The following MPC2 variants were observed in gnomAD, a reference collection of about 807,000 sequenced individuals.
MPC2 encodes the protein mitochondrial pyruvate carrier 2, also known as brain protein 44.
In MPC2, 19 loss-of-function variants were observed where a neutral mutation model predicts 19.2. That is an observed-to-expected ratio of 0.99 (90% CI 0.69 to 1.45). The LOEUF is 1.45. MPC2 is among the 40% of genes most tolerant of loss of function. MPC2 has a pLI of 0.00. For missense variants in MPC2, 122 were observed against 153.0 expected (o/e 0.80, Z 1.07); for synonymous variants, 61 against 54.3 (o/e 1.12, Z -0.54).
intron 2 of MPC2, 22 bp downstream of exon 2, chr1:167,935,711 G>C (rs12744853): frequency 1.3e-6 from 2 of 1,539,830 alleles, no homozygotes; most frequent in Non-Finnish European, 1.8e-6. Context: ...GTCTCGATAA[G>C]GAGCCATTCA....
At chr1:167,928,303 G>A (rs1015898312) in intron 2 of MPC2, among the ~76,000 whole-genome samples, 1 of 146,374 alleles carries the variant, frequency 6.8e-6, no homozygotes, top group East Asian at 2.0e-4. Context: ...AGCCGAGATC[G>A]CACCACTGCA....
At chr1:167,935,669 A>C in intron 2 of MPC2, 64 bp downstream of exon 2, 1 of 1,416,326 alleles carries the variant, frequency 7.1e-7, no homozygotes, top group Non-Finnish European at 9.8e-7. Context: ...AGGGCCTCTA[A>C]AAGGTCCATT....
At chr1:167,929,548 CAT>C (rs1207573930) in intron 2 of MPC2, among the ~76,000 whole-genome samples, 3 of 152,108 alleles carry the variant, frequency 2.0e-5, no homozygotes, top group African/African-American at 7.2e-5. Context: ...TAATAACAGA[CAT>C]AAATTTTCAA....
At chr1:167,928,166 G>A (rs1571514688) in intron 2 of MPC2, among the ~76,000 whole-genome samples, 1 of 152,104 alleles carries the variant, frequency 6.6e-6, no homozygotes, top group African/African-American at 2.4e-5. Context: ...GGCTAACACG[G>A]TGAAACCCTG....
In MPC2 at chr1:167,920,544, T is replaced by C; in HGVS notation, c.235+3A>G. The C allele has an allele frequency of 6.2e-7, 1 of 1,612,632 alleles. No homozygotes were observed. The highest frequency in any genetic ancestry group is 8.5e-7 in the Non-Finnish European group (1 of 1,179,414). ...AAACACAGAAGATATTTATTTAATT[T>C]ACCTGTAGCCATCAAAACAGCAGAT... On this transcript the variant is annotated splice_donor_region_variant and intron_variant, in intron 4 of 5. Coordinates refer to ENST00000271373, the MANE Select transcript of MPC2 (RefSeq NM_001143674.4).
At chr1:167,928,881 T>C (rs1670826716) in intron 2 of MPC2, among the ~76,000 whole-genome samples, 1 of 152,006 alleles carries the variant, frequency 6.6e-6, no homozygotes, top group African/African-American at 2.4e-5. Flanking sequence ...TGAAGAAAAA[T>C]CTCCTCATAA....
intron 2 of MPC2, among the ~76,000 whole-genome samples, chr1:167,931,246 T>C (rs1240342307): frequency 7.9e-5 from 12 of 152,314 alleles, no homozygotes; most frequent in Non-Finnish European, 1.3e-4. Flanking sequence ...TTCCTTTTTA[T>C]GAATTCTTCT....
chr1:167,926,811 G>A (rs769643550), intron 2 of MPC2, among the ~76,000 whole-genome samples: 9 of 152,142 alleles, frequency 5.9e-5, no homozygotes, highest in Non-Finnish European at 7.4e-5. Context: ...AGTTCATGCT[G>A]TCCCTTCTCA....
chr1:167,921,761 C>T (rs575882300), intron 3 of MPC2, among the ~76,000 whole-genome samples: 7 of 152,046 alleles, frequency 4.6e-5, no homozygotes, highest in African/African-American at 1.4e-4. Context: ...ATATAGGATG[C>T]ACTGTAGTGT....
intron 2 of MPC2, among the ~76,000 whole-genome samples, chr1:167,933,050 C>G (rs377068831): frequency 1.3e-5 from 2 of 151,868 alleles, no homozygotes; most frequent in African/African-American, 4.8e-5. Context: ...AGTGGCAGAT[C>G]ATGACATGCC....
Position 167,918,357 on chromosome 1 carries a change from T to C in MPC2, c.350A>G (p.Tyr117Cys), listed in dbSNP as rs778548749. Residue 117 changes from tyrosine (Y) to cysteine (C), a missense_variant and splice_region_variant, in exon 6 of 6, where the codon TAT becomes TGT. By Grantham distance (194) the Tyr-to-Cys change is radical (BLOSUM62 -2). Transcript: ENST00000271373. ...GASQLFRIWR[Y>C]NQELKAKAHK ...TGCTTTAGCTTTTAGTTCTTGGTTATATCTATAAAGAAAACAGAAAGAAAA... is the reference window on the plus strand; with the variant it reads ...TGCTTTAGCTTTTAGTTCTTGGTTACATCTATAAAGAAAACAGAAAGAAAA... The C allele has an allele frequency of 2.6e-6, 4 of 1,534,890 alleles. No individual in the cohort carries two copies. Among genetic ancestry groups the C allele is most frequent in the East Asian group, 2.3e-5 (1 of 44,380 alleles).
intron 2 of MPC2, among the ~76,000 whole-genome samples, chr1:167,931,221 C>T (rs749475358): frequency 3.0e-4 from 45 of 152,306 alleles, no homozygotes; most frequent in African/African-American, 8.4e-4. Context: ...TGTGAGCTAC[C>T]GCGCCCAGCT....
rs1557854257 is a variant in MPC2 at position 167,925,535 on chromosome 1, TTTTTTTTTTGG to T, written c.110-1009_110-999del. Reference sequence around the variant, plus strand: ...TACAAACAACGTTTTTTTTTTTTGGTTTTTTTTTTGGTTTTTTTTGTTTTTTTTTGAGACAG... The same window carrying T: ...TACAAACAACGTTTTTTTTTTTTGGTTTTTTTTTGTTTTTTTTTGAGACAG... On this transcript the variant is annotated intron_variant, in intron 2 of 5. Coordinates refer to ENST00000271373, the MANE Select transcript of MPC2 (RefSeq NM_001143674.4). 9.6e-4 allele frequency among the ~76,000 whole-genome samples: 122 copies of T among 127,490 alleles called. 1 individual carries two copies. In the South Asian group the frequency reaches 0.025, roughly 27 times the overall value. 83.6% of individuals were successfully genotyped at this position (127,490 alleles called of 152,430 possible). A position where few individuals can be genotyped will look rare whatever the true frequency, so the allele number is the denominator to read the frequency against.
At chr1:167,920,724 C>A in intron 3 of MPC2, 93 bp from the exon 4 acceptor site, 2 of 1,218,846 alleles carry the variant, frequency 1.6e-6, no homozygotes, top group Admixed American at 2.7e-5. Context: ...TTGAGATTTC[C>A]GTAAGTTAGC....
chr1:167,935,259 G>C (rs900780554), intron 2 of MPC2, among the ~76,000 whole-genome samples: 7 of 152,236 alleles, frequency 4.6e-5, no homozygotes, highest in African/African-American at 1.2e-4. Context: ...CATGCAGTTT[G>C]GGGGAGGGCT....
At chr1:167,932,029 C>T (rs1670925758) in intron 2 of MPC2, among the ~76,000 whole-genome samples, 1 of 152,136 alleles carries the variant, frequency 6.6e-6, no homozygotes, top group African/African-American at 2.4e-5. Flanking sequence ...TTAAGCACTG[C>T]AACAAGTTTC....
At chr1:167,919,907 CA>C (rs199537893) in intron 5 of MPC2, 71 bp downstream of exon 5, 142,495 of 823,966 alleles carry the variant, frequency 0.17, 83 homozygotes, top group East Asian at 0.22. Flanking sequence ...GACCCCGTCT[CA>C]AAAAAAAAAA....
intron 3 of MPC2, among the ~76,000 whole-genome samples, chr1:167,922,574 A>T (rs1670629394): frequency 6.6e-6 from 1 of 151,980 alleles, no homozygotes; most frequent in Admixed American, 6.6e-5. Context: ...GGGTTTTAGG[A>T]TCTTTTCTCA....
intron 3 of MPC2, among the ~76,000 whole-genome samples, chr1:167,923,463 T>G (rs1015310797): frequency 2.6e-5 from 4 of 152,186 alleles, no homozygotes; most frequent in African/African-American, 9.6e-5. Flanking sequence ...AAATACATTT[T>G]GATTCCATTT....
Sources: allele counts gnomAD v4.1 joint callset (sites outside exome capture counted in the v4.1 genomes callset), GRCh38; gene constraint gnomAD v4.1.1; transcripts MANE v1.5; gene names NCBI Gene and HGNC (gene_info 2026-07-23, HGNC 2026-07-21).